FMN2: variants seen among roughly 807,000 people sequenced by gnomAD.
The protein encoded by FMN2 is formin 2.
Under a neutral mutation model 142.3 loss-of-function variants are expected in FMN2, and 51 were observed. The ratio of observed to expected loss-of-function variants is 0.36; its 90% confidence interval spans 0.29 to 0.45. The LOEUF is 0.45. Ranked by LOEUF, FMN2 falls within the 20% of genes least tolerant of loss-of-function variation. FMN2 has a pLI of 1.00. For missense variants in FMN2, 1,936 were observed against 2,122.8 expected, an observed-to-expected ratio of 0.91 and a Z score of 1.73; for synonymous variants, 882 against 869.8, an observed-to-expected ratio of 1.01 and a Z score of -0.25.
intron 2 of FMN2, among the ~76,000 whole-genome samples, chr1:240,152,442 G>A (rs1317565312): frequency 6.6e-6 from 1 of 152,130 alleles, no homozygotes; most frequent in Non-Finnish European, 1.5e-5. Flanking sequence ...CTCTCATAGA[G>A]CCAGGAGGAG....
chr1:240,169,187 A>G (rs886110966), intron 2 of FMN2, among the ~76,000 whole-genome samples: 1 of 152,158 alleles, frequency 6.6e-6, no homozygotes, highest in African/African-American at 2.4e-5. Flanking sequence ...TCAAAATACC[A>G]TCCAACTATT....
At chr1:240,126,216 A>AT in intron 2 of FMN2, among the ~76,000 whole-genome samples, 1 of 152,130 alleles carries the variant, frequency 6.6e-6, no homozygotes, top group South Asian at 2.1e-4. Flanking sequence ...ATCTATGGGG[A>AT]GAGAAATTTT....
intron 14 of FMN2, among the ~76,000 whole-genome samples, chr1:240,360,387 C>A (rs1672422245): frequency 6.6e-6 from 1 of 152,186 alleles, no homozygotes; most frequent in African/African-American, 2.4e-5. Flanking sequence ...AGAAGGAAAA[C>A]CCTGCTCTCA....
At chr1:240,444,203 G>A (rs192403687) in intron 16 of FMN2, among the ~76,000 whole-genome samples, 1 of 152,150 alleles carries the variant, frequency 6.6e-6, no homozygotes, top group African/African-American at 2.4e-5. Context: ...ACACTGAGAC[G>A]TTCAAGTATG....
intron 14 of FMN2, among the ~76,000 whole-genome samples, chr1:240,362,224 CTT>C (rs925256049): frequency 1.7e-4 from 26 of 152,264 alleles, no homozygotes; most frequent in African/African-American, 5.8e-4. Context: ...GTTACTATAA[CTT>C]AGCTTATCTC....
At chr1:240,451,600 C>T (rs1275775381) in intron 16 of FMN2, among the ~76,000 whole-genome samples, 1 of 152,076 alleles carries the variant, frequency 6.6e-6, no homozygotes, top group Non-Finnish European at 1.5e-5. Context: ...GCCTGCTCCC[C>T]AACAGGGGCC....
intron 3 of FMN2, 64 bp downstream of exon 3, chr1:240,178,132 T>G: frequency 7.2e-7 from 1 of 1,381,988 alleles, no homozygotes; most frequent in South Asian, 2.2e-5. Context: ...AGAAGTTTTA[T>G]TAAATCTTAG....
intron 2 of FMN2, among the ~76,000 whole-genome samples, chr1:240,148,492 G>A (rs1192047838): frequency 8.6e-6 from 1 of 116,600 alleles, no homozygotes; most frequent in African/African-American, 2.7e-5. Context: ...AAGAGAGAGA[G>A]AAAGAGAGGA....
At position 240,263,338 on chromosome 1, in the gene FMN2, C is replaced by T. The variant is rs144671030; in HGVS notation, c.4153+5306C>T. Among the ~76,000 whole-genome samples, 1,258 of 152,232 alleles carry T rather than the reference C, an allele frequency of 8.3e-3. 19 individuals carry two copies. Among genetic ancestry groups the T allele is most frequent in the African/African-American group, 0.028 (1,165 of 41,532 alleles). Reference sequence around the variant, plus strand: ...GAATCTGCTACCCTCATAGTCTGCACGAGACATCTAGAAAGTCAACTCAGC... The same window carrying T: ...GAATCTGCTACCCTCATAGTCTGCATGAGACATCTAGAAAGTCAACTCAGC... On this transcript the variant is annotated intron_variant, in intron 7 of 17. Coordinates refer to ENST00000319653, the MANE Select transcript of FMN2 (RefSeq NM_020066.5).
chr1:240,288,821 C>T (rs1041819661), intron 7 of FMN2, among the ~76,000 whole-genome samples: 2 of 152,100 alleles, frequency 1.3e-5, no homozygotes, highest in Admixed American at 1.3e-4. Flanking sequence ...TTCCAGCCAA[C>T]CAGTAGTGAG....
intron 6 of FMN2, among the ~76,000 whole-genome samples, chr1:240,225,068 A>G (rs1048468870): frequency 3.7e-4 from 57 of 152,178 alleles, no homozygotes; most frequent in African/African-American, 1.2e-3. Context: ...CTATGGGACT[A>G]TTGGGTCAGT....
intron 16 of FMN2, among the ~76,000 whole-genome samples, chr1:240,462,414 T>C (rs1479306645): frequency 6.6e-6 from 1 of 152,202 alleles, no homozygotes; most frequent in Admixed American, 6.5e-5. Flanking sequence ...GATGGAATTA[T>C]AGCAGCAAGT....
At chr1:240,118,292 G>T (rs1662103086) in intron 1 of FMN2, among the ~76,000 whole-genome samples, 1 of 152,194 alleles carries the variant, frequency 6.6e-6, no homozygotes, top group Non-Finnish European at 1.5e-5. Context: ...AAGGGCAACG[G>T]GTAGCACAGC....
intron 14 of FMN2, among the ~76,000 whole-genome samples, chr1:240,380,145 T>C (rs570609244): frequency 5.3e-5 from 8 of 152,304 alleles, no homozygotes; most frequent in African/African-American, 1.9e-4. Flanking sequence ...GAAAAACATT[T>C]ATAGAATATT....
Position 240,257,982 on chromosome 1 carries a change from T to C in FMN2, c.4103T>C (p.Val1368Ala). Residue 1368 changes from valine to alanine, a missense_variant, in exon 7 of 18, where the codon GTT (valine) becomes GCT (alanine). This residue lies in a region of FMN2 where 259 missense variants were observed against 230.9 expected (regional missense o/e 1.12). Transcript: ENST00000319653. The part of the protein sequence containing the change: ...KLLSNKRSQA[V>A]GILMSSLHLD... ...TTAAGCAACAAAAGATCACAAGCAGTTGGAATACTAATGTCTAGCCTTCAT... is the reference window on the plus strand; with the variant it reads ...TTAAGCAACAAAAGATCACAAGCAGCTGGAATACTAATGTCTAGCCTTCAT... 6.2e-7 allele frequency: 1 copy of C among 1,612,836 alleles called. No individual in the cohort carries two copies. Among genetic ancestry groups the C allele is most frequent in the East Asian group, 2.2e-5 (1 of 44,758 alleles).
At chr1:240,148,307 G>C (rs1176359573) in intron 2 of FMN2, among the ~76,000 whole-genome samples, 3 of 137,346 alleles carry the variant, frequency 2.2e-5, no homozygotes, top group African/African-American at 5.7e-5. Context: ...GACAGAGAGA[G>C]AGAGACAGAC....
intron 16 of FMN2, among the ~76,000 whole-genome samples, chr1:240,439,424 T>C (rs1354963975): frequency 6.6e-6 from 1 of 152,220 alleles, no homozygotes; most frequent in Non-Finnish European, 1.5e-5. Flanking sequence ...TAATTCAATT[T>C]TGATACCTCC....
At chr1:240,348,791 C>T (rs12092043) in intron 13 of FMN2, among the ~76,000 whole-genome samples, 4 of 152,288 alleles carry the variant, frequency 2.6e-5, no homozygotes, top group Non-Finnish European at 5.9e-5. Flanking sequence ...AGTACATATA[C>T]AGTACTTGTG....
intron 16 of FMN2, among the ~76,000 whole-genome samples, chr1:240,465,549 A>G (rs999081242): frequency 2.0e-5 from 3 of 152,098 alleles, no homozygotes; most frequent in African/African-American, 4.8e-5. Flanking sequence ...TCTCTGCTCT[A>G]TCAGAACCTC....
Sources: allele counts gnomAD v4.1 joint callset (sites outside exome capture counted in the v4.1 genomes callset), GRCh38; gene constraint gnomAD v4.1.1; regional missense constraint gnomAD v4.1.1; transcripts MANE v1.5; gene names NCBI Gene and HGNC (gene_info 2026-07-23, HGNC 2026-07-21).